The following VWA8 variants were observed in gnomAD, a reference collection of about 807,000 sequenced individuals.
VWA8 encodes von Willebrand factor A domain containing 8.
Under a neutral mutation model 241.5 loss-of-function variants are expected in VWA8, and 221 were observed. That is an observed-to-expected ratio of 0.91 (90% CI 0.82 to 1.02). The LOEUF (loss-of-function observed/expected upper bound fraction) is 1.02. VWA8 is among the 50% of genes least tolerant of loss of function. The pLI, the probability that VWA8 is intolerant of heterozygous loss-of-function variation, is 0.00. For synonymous variants in VWA8, 852 were observed against 827.1 expected (o/e 1.03, Z -0.52); for missense variants, 2,322 against 2,328.7 (o/e 1.00, Z 0.06).
At chr13:41,616,389 C>A (rs1326772978) in intron 37 of VWA8, among the ~76,000 whole-genome samples, 1 of 152,022 alleles carries the variant, frequency 6.6e-6, no homozygotes, top group East Asian at 1.9e-4. Context: ...AGCAGCCAGA[C>A]ATGACAATTG....
At chr13:41,691,554 A>C (rs2045177700) in intron 31 of VWA8, 109 bp from the exon 32 acceptor site, 1 of 1,343,996 alleles carries the variant, frequency 7.4e-7, no homozygotes, top group East Asian at 2.6e-5. Context: ...AGAATGTTTT[A>C]AGATTAAGTA....
chr13:41,569,959 G>A (rs2044289600), intron 44 of VWA8, among the ~76,000 whole-genome samples: 1 of 152,118 alleles, frequency 6.6e-6, no homozygotes, highest in Middle Eastern at 3.2e-3. Context: ...ATACATGTGA[G>A]TGTGTCTATA....
chr13:41,685,543 C>A (rs952343391), intron 34 of VWA8, among the ~76,000 whole-genome samples: 1 of 152,048 alleles, frequency 6.6e-6, no homozygotes, highest in African/African-American at 2.4e-5. Flanking sequence ...GTATTCCCAG[C>A]TACTGAGGAG....
chr13:41,739,946 C>T (rs1214804687), intron 21 of VWA8, among the ~76,000 whole-genome samples: 1 of 151,076 alleles, frequency 6.6e-6, no homozygotes. Flanking sequence ...GCTCCGCCTC[C>T]CAGGTTCATG....
At chr13:41,571,021 A>G (rs752840557) in intron 43 of VWA8, among the ~76,000 whole-genome samples, 1 of 152,206 alleles carries the variant, frequency 6.6e-6, no homozygotes, top group African/African-American at 2.4e-5. Context: ...TTGGTATCAC[A>G]TTGGAGGATG....
At chr13:41,779,092 C>T (rs1373198973) in intron 19 of VWA8, among the ~76,000 whole-genome samples, 3 of 150,478 alleles carry the variant, frequency 2.0e-5, no homozygotes, top group Admixed American at 1.3e-4. Flanking sequence ...CTGCCTGCCT[C>T]GGCCTCCCAA....
intron 17 of VWA8, among the ~76,000 whole-genome samples, chr13:41,807,149 G>C (rs952711110): frequency 2.6e-5 from 4 of 152,002 alleles, no homozygotes; most frequent in African/African-American, 7.2e-5. Context: ...CGAAGAAATA[G>C]AAAATGTGAA....
Position 41,719,762 on chromosome 13 carries a change from CCTT to C in VWA8, c.2965-23_2965-21del. The C allele has an allele frequency of 6.3e-7, 1 of 1,597,648 alleles. No individual in the cohort carries two copies. The highest frequency in any genetic ancestry group is 8.5e-7 in the Non-Finnish European group (1 of 1,171,228). ...AAATTTCTGTATTAAAAAAAAATTC[CCTT>C]ATTATGCATGTGATAAAATATACAA... On this transcript the variant is annotated intron_variant, in intron 25 of 44. Transcript: ENST00000379310.
At chr13:41,591,872 T>G (rs202149330) in intron 40 of VWA8, among the ~76,000 whole-genome samples, 16,432 of 142,740 alleles carry the variant, frequency 0.12, 1,155 homozygotes, top group East Asian at 0.26. Flanking sequence ...TTGGTGGGAC[T>G]GTAAACTAGT....
At chr13:41,770,966 T>C (rs1025062019) in intron 20 of VWA8, among the ~76,000 whole-genome samples, 18 of 150,472 alleles carry the variant, frequency 1.2e-4, no homozygotes, top group Admixed American at 2.6e-4. Context: ...AATAGTCATG[T>C]AGAAATGATT....
chr13:41,677,746 C>A (rs975378711), intron 35 of VWA8, among the ~76,000 whole-genome samples: 1 of 152,122 alleles, frequency 6.6e-6, no homozygotes, highest in African/African-American at 2.4e-5. Flanking sequence ...TCTTTGATGA[C>A]AATTTCTGAT....
rs888001562 is a variant in VWA8, at chr13:41,730,887, CTTTT to C, written c.2502+1189_2502+1192del. Among the ~76,000 whole-genome samples, 136 of 151,694 alleles carry C rather than the reference CTTTT, an allele frequency of 9.0e-4. 1 individual carries two copies. Among genetic ancestry groups the C allele is most frequent in the Non-Finnish European group, 1.7e-3 (112 of 67,876 alleles). On this transcript the variant is annotated intron_variant, in intron 22 of 44. Coordinates refer to ENST00000379310, the MANE Select transcript of VWA8 (RefSeq NM_015058.2). The stretch of plus-strand genomic sequence containing the variant: ...TTTTTAAAAAACTTATAAGAAATTT[CTTTT>C]TTAAGATATACCTAATGCTAAATGA...
At chr13:41,869,998 T>A (rs543631327) in intron 9 of VWA8, among the ~76,000 whole-genome samples, 1 of 152,096 alleles carries the variant, frequency 6.6e-6, no homozygotes, top group Non-Finnish European at 1.5e-5. Flanking sequence ...GAAAATAGAT[T>A]TGGGAGGAAG....
Position 41,625,240 on chromosome 13 carries a change from C to T in VWA8, c.4612-10156G>A, listed in dbSNP as rs368523770. Among the ~76,000 whole-genome samples the T allele has an allele frequency of 5.5e-3, 836 of 152,032 alleles. 11 individuals are homozygous for T. Among genetic ancestry groups the T allele is most frequent in the African/African-American group, 0.016 (661 of 41,518 alleles). On this transcript the variant is annotated intron_variant, in intron 37 of 44. Transcript: ENST00000379310. ...GCCAAAATTGACATATGGGATCTAA[C>T]TAAACTAAAGAGCTTCTGCACAGCA... is the stretch of plus-strand genomic sequence containing the variant.
At chr13:41,606,987 T>C (rs1247107925) in intron 39 of VWA8, among the ~76,000 whole-genome samples, 2 of 152,232 alleles carry the variant, frequency 1.3e-5, no homozygotes, top group African/African-American at 4.8e-5. Context: ...TCTGTTATGG[T>C]GTTTTCAAAT....
chr13:41,706,963 A>G (rs993962400), intron 26 of VWA8, among the ~76,000 whole-genome samples: 1 of 152,118 alleles, frequency 6.6e-6, no homozygotes, highest in Non-Finnish European at 1.5e-5. Context: ...TCATGAATTT[A>G]TGTTTTTTTA....
chr13:41,903,725 T>G (rs1875567851), intron 4 of VWA8, among the ~76,000 whole-genome samples: 1 of 151,764 alleles, frequency 6.6e-6, no homozygotes, highest in African/African-American at 2.4e-5. Flanking sequence ...TCCTATAGAG[T>G]GATGTAGGCC....
intron 43 of VWA8, 45 bp from the exon 44 acceptor site, chr13:41,570,751 C>T (rs565729998): frequency 1.3e-6 from 2 of 1,546,800 alleles, no homozygotes; most frequent in Non-Finnish European, 1.8e-6. Flanking sequence ...TGAGAAACTT[C>T]TTTTTTAACA....
At chr13:41,818,581 A>ATAC (rs1870805559) in intron 15 of VWA8, among the ~76,000 whole-genome samples, 1 of 152,026 alleles carries the variant, frequency 6.6e-6, no homozygotes, top group African/African-American at 2.4e-5. Context: ...AATAATAATA[A>ATAC]TAGTAATAAT....
Sources: gnomAD v4.1 joint callset for allele counts (sites outside exome capture counted in the v4.1 genomes callset) on GRCh38, gnomAD v4.1.1 for gene constraint, MANE v1.5 for transcripts, NCBI Gene and HGNC (gene_info 2026-07-23, HGNC 2026-07-21) for gene names.